HIC1: variants seen among roughly 807,000 people sequenced by gnomAD.
The protein encoded by HIC1 is HIC ZBTB transcriptional repressor 1, also known as hypermethylated in cancer 1 protein.
HIC1 carries 9 observed loss-of-function variants against 26.4 expected under a neutral mutation model. The observed-to-expected ratio is 0.34, with a 90% CI of 0.21 to 0.59. The LOEUF (loss-of-function observed/expected upper bound fraction) is 0.59, where lower values mean the gene tolerates loss of function less well. Among genes scored for constraint, HIC1 ranks in the 20% least tolerant of loss-of-function variants. HIC1 has a pLI of 0.82. For missense variants in HIC1, 965 were observed against 1,075.7 expected, an observed-to-expected ratio of 0.90 and a Z score of 1.44; for synonymous variants, 631 against 523.1, an observed-to-expected ratio of 1.21 and a Z score of -2.81.
chr17:2,061,428 A>G lies in HIC1; in HGVS notation c.*2593A>G. On this transcript the variant is annotated 3_prime_UTR_variant, in exon 2 of 2. Coordinates refer to ENST00000619757, the MANE Select transcript of HIC1 (RefSeq NM_006497.4). ...CAGGCACGTGGGCATCTTCCGTGCT[A>G]CACTGGGCGCCTGGTGGCCTTTCAG... is the stretch of plus-strand genomic sequence containing the variant. 6.7e-7 allele frequency: 1 copy of G among 1,495,804 alleles called. No individual in the cohort carries two copies. The highest frequency in any genetic ancestry group is 1.2e-5 in the South Asian group (1 of 82,388). 92.7% of individuals were successfully genotyped at this position (1,495,804 alleles called of 1,614,324 possible).
chr17:2,057,888 T>C lies in HIC1; in HGVS notation c.1198T>C (p.Tyr400His), dbSNP rs745930978. The change falls in exon 2 of 2, where the codon TAC becomes CAC. Residue 400 changes from tyrosine to histidine, a missense_variant. Transcript: ENST00000619757. ...PSPPGGHLEG[Y>H]PCPHLAYGEP... ...CCCGCCTGGCGGCCACCTCGAGGGCTACCCATGCCCGCACCTGGCCTATGG... is the reference window on the plus strand; with the variant it reads ...CCCGCCTGGCGGCCACCTCGAGGGCCACCCATGCCCGCACCTGGCCTATGG... The C allele has an allele frequency of 1.2e-6, 2 of 1,602,652 alleles. No individual in the cohort carries two copies. Among genetic ancestry groups the C allele is most frequent in the Non-Finnish European group, 1.7e-6 (2 of 1,175,302 alleles).
At position 2,057,103 on chromosome 17, in the gene HIC1, A is replaced by G; in HGVS notation, c.413A>G (p.His138Arg). Reference sequence around the variant, plus strand: ...CTCAAGCGCCACGGCAAGTACTGCCACCTGCGGGGCGGCGGCGGCGGCGGC... The same window carrying G: ...CTCAAGCGCCACGGCAAGTACTGCCGCCTGCGGGGCGGCGGCGGCGGCGGC... ...KRLKRHGKYC[H>R]LRGGGGGGGG... The change falls in exon 2 of 2, where the codon CAC becomes CGC. Residue 138 changes from histidine (H) to arginine (R), a missense_variant. Coordinates refer to ENST00000619757, the MANE Select transcript of HIC1 (RefSeq NM_006497.4). 7.4e-7 allele frequency: 1 copy of G among 1,344,902 alleles called. No homozygotes were observed. 83.3% of individuals were successfully genotyped at this position (1,344,902 alleles called of 1,614,324 possible). A position where few individuals can be genotyped will look rare whatever the true frequency, so the allele number is the denominator to read the frequency against.
Position 2,055,982 on chromosome 17 carries a change from C to CCCCT in HIC1, c.-20-681_-20-678dup, listed in dbSNP as rs1247628813. Among the ~76,000 whole-genome samples, 1 of 143,042 alleles carries CCCCT rather than the reference C, an allele frequency of 7.0e-6. No homozygotes were observed. The highest frequency in any genetic ancestry group is 2.5e-5 in the African/African-American group (1 of 39,782). 93.8% of individuals were successfully genotyped at this position (143,042 alleles called of 152,430 possible). ...GCGCCGTGCCCGCCCGGGGCGCTGC[C>CCCCT]CCCTCCCTCCCCTGGGAGCTGCGTG... On this transcript the variant is annotated intron_variant, in intron 1 of 1. Transcript: ENST00000619757. This position sits in a 1 kb window ranked among gnomAD's most constrained non-coding sequence, Gnocchi z 6.4.
Position 2,058,634 on chromosome 17 carries a change from G to GGCGGCC in HIC1, c.1952_1957dup (p.Ala651_Ala652dup), listed in dbSNP as rs2067700048. 1 of 1,564,238 alleles carries GGCGGCC rather than the reference G, an allele frequency of 6.4e-7. No homozygotes were observed. Among genetic ancestry groups the GGCGGCC allele is most frequent in the Non-Finnish European group, 8.6e-7 (1 of 1,161,898 alleles). On this transcript the variant is annotated inframe_insertion, in exon 2 of 2. Coordinates refer to ENST00000619757, the MANE Select transcript of HIC1 (RefSeq NM_006497.4). ...AGCTGAGCCTGAAGCAGCAGGACAAGGCGGCCGCGGCCGAGCTGCTGGCGC... is the reference window on the plus strand; with the variant it reads ...AGCTGAGCCTGAAGCAGCAGGACAAGGCGGCCGCGGCCGCGGCCGAGCTGCTGGCGC...
intron 1 of HIC1, 155 bp from the exon 2 acceptor site, chr17:2,056,516 C>T: frequency 7.4e-7 from 1 of 1,352,786 alleles, no homozygotes. Flanking sequence ...GGCTCCCACT[C>T]CAGAGGGCAG....
rs745545195 is a variant in HIC1 at position 2,056,966 on chromosome 17, G to GGCGGCT, written c.282_287dup (p.Ala97_Ala98dup). 211 of 1,590,164 alleles carry GGCGGCT rather than the reference G, an allele frequency of 1.3e-4. No individual in the cohort carries two copies. The highest frequency in any genetic ancestry group is 1.9e-4 in the African/African-American group (14 of 72,840). ...CCGGCCGCCTGGCTGACGGCGCAGA[G>GGCGGCT]GCGGCTGCGGCCGCGGCCGTGGCCC... On this transcript the variant is annotated inframe_insertion, in exon 2 of 2. Coordinates refer to ENST00000619757, the MANE Select transcript of HIC1 (RefSeq NM_006497.4).
Position 2,055,202 on chromosome 17 carries a change from C to G in HIC1, c.-57C>G, listed in dbSNP as rs1038397119. 1 of 152,050 alleles carries G rather than the reference C, an allele frequency of 6.6e-6. No individual in the cohort carries two copies. Among genetic ancestry groups the G allele is most frequent in the African/African-American group, 2.4e-5 (1 of 41,410 alleles). The allele number at this position is 152,050 out of a possible 1,614,324, so 9.4% of individuals were successfully genotyped here. On this transcript the variant is annotated 5_prime_UTR_variant, in exon 1 of 2. Coordinates refer to ENST00000619757, the MANE Select transcript of HIC1 (RefSeq NM_006497.4). This position sits in a 1 kb window ranked among gnomAD's most constrained non-coding sequence, Gnocchi z 6.4. ...GCAGCCACGTCCCCCCTGGATCCGC[C>G]GTCAGCCGGGCCCGGGGCTTTCGAC... is the stretch of plus-strand genomic sequence containing the variant.
chr17:2,057,648 GGTAGCT>G lies in HIC1; in HGVS notation c.959_964del (p.Gly320_Tyr322delinsAsp), dbSNP rs2067685491. 1 of 1,515,744 alleles carries G rather than the reference GGTAGCT, an allele frequency of 6.6e-7. No individual in the cohort carries two copies. The highest frequency in any genetic ancestry group is 1.4e-5 in the African/African-American group (1 of 69,614). 93.9% of individuals were successfully genotyped at this position (1,515,744 alleles called of 1,614,324 possible). A position where few individuals can be genotyped will look rare whatever the true frequency, so the allele number is the denominator to read the frequency against. ...CTGGATGAAGCACGAGCCGGGCCTG[GGTAGCT>G]ATGGCGACGAGCTGGGCCGGGAGCG... On this transcript the variant is annotated inframe_deletion, in exon 2 of 2. Transcript: ENST00000619757.
Position 2,057,569 on chromosome 17 carries a change from C to G in HIC1, c.879C>G (p.Gly293=). The G allele has an allele frequency of 6.7e-7, 1 of 1,503,636 alleles. No homozygotes were observed. The allele number at this position is 1,503,636 out of a possible 1,614,324, so 93.1% of individuals were successfully genotyped here. A position where few individuals can be genotyped will look rare whatever the true frequency, so the allele number is the denominator to read the frequency against. ...CCGACCCATTTCGCGGCGGCAGCGGCAGCCCGGGACCCGAGCCCCCCGGCC... is the reference window on the plus strand; with the variant it reads ...CCGACCCATTTCGCGGCGGCAGCGGGAGCCCGGGACCCGAGCCCCCCGGCC... ...PPSDPFRGGS[G]SPGPEPPGRP... The change falls in exon 2 of 2, where the codon GGC becomes GGG. Residue 293 remains glycine, a synonymous_variant. Transcript: ENST00000619757.
Position 2,061,452 on chromosome 17 carries a change from A to AG in HIC1, c.*2619dup, listed in dbSNP as rs1223807439. On this transcript the variant is annotated 3_prime_UTR_variant, in exon 2 of 2. Transcript: ENST00000619757. ...TACACTGGGCGCCTGGTGGCCTTTCAGGAACGGTTCCACGGGGGGGGGGCC... is the reference window on the plus strand; with the variant it reads ...TACACTGGGCGCCTGGTGGCCTTTCAGGGAACGGTTCCACGGGGGGGGGGCC... 2 of 1,503,162 alleles carry AG rather than the reference A, an allele frequency of 1.3e-6. No individual in the cohort carries two copies. The highest frequency in any genetic ancestry group is 4.1e-5 in the Admixed American group (2 of 48,472). 93.1% of individuals were successfully genotyped at this position (1,503,162 alleles called of 1,614,324 possible). A position where few individuals can be genotyped will look rare whatever the true frequency, so the allele number is the denominator to read the frequency against.
At position 2,058,641 on chromosome 17, in the gene HIC1, G is replaced by T; in HGVS notation, c.1951G>T (p.Ala651Ser). The change falls in exon 2 of 2, where the codon GCG becomes TCG. Residue 651 changes from alanine to serine, a missense_variant. Ala to Ser is a moderately conservative substitution (Grantham distance 99, BLOSUM62 1). Around this residue, in one of 6 missense-constraint regions of HIC1, gnomAD observed 210 missense variants for 179.2 expected, o/e 1.17. Coordinates refer to ENST00000619757, the MANE Select transcript of HIC1 (RefSeq NM_006497.4). ...CCTGAAGCAGCAGGACAAGGCGGCC[G>T]CGGCCGAGCTGCTGGCGCAGACCAC... Reference protein sequence around the residue: ...LSLKQQDKAAAAELLAQTTHF... With the variant: ...LSLKQQDKAASAELLAQTTHF... The T allele has an allele frequency of 6.4e-7, 1 of 1,563,528 alleles. No homozygotes were observed. Among genetic ancestry groups the T allele is most frequent in the Non-Finnish European group, 8.6e-7 (1 of 1,161,416 alleles).
At position 2,058,655 on chromosome 17, in the gene HIC1, GGCGCAGACCACGCACTTCCT is replaced by G. The variant is rs1157476572; in HGVS notation, c.1968_1987del (p.Gln657ArgfsTer109). 1 of 1,564,044 alleles carries G rather than the reference GGCGCAGACCACGCACTTCCT, an allele frequency of 6.4e-7. No individual in the cohort carries two copies. Among genetic ancestry groups the G allele is most frequent in the Non-Finnish European group, 8.6e-7 (1 of 1,161,190 alleles). On this transcript the variant is annotated frameshift_variant, in exon 2 of 2. Coordinates refer to ENST00000619757, the MANE Select transcript of HIC1 (RefSeq NM_006497.4). LOFTEE classifies it high-confidence loss of function. The stretch of plus-strand genomic sequence containing the variant: ...ACAAGGCGGCCGCGGCCGAGCTGCT[GGCGCAGACCACGCACTTCCT>G]GCACGACCCCAAGGTGGCGCTGGAG...
rs551346489 is a variant in HIC1 at position 2,060,501 on chromosome 17, A to C, written c.*1666A>C. 6.6e-6 allele frequency: 1 copy of C among 152,358 alleles called. No individual in the cohort carries two copies. Among genetic ancestry groups the C allele is most frequent in the South Asian group, 2.1e-4 (1 of 4,838 alleles). The allele number at this position is 152,358 out of a possible 1,614,324, so 9.4% of individuals were successfully genotyped here. A position where few individuals can be genotyped will look rare whatever the true frequency, so the allele number is the denominator to read the frequency against. The stretch of plus-strand genomic sequence containing the variant: ...CCTGTACTAGGTTCCTGCCATGGGT[A>C]GTAGAGAGGGAAAGTTCAGAGTGAG... On this transcript the variant is annotated 3_prime_UTR_variant, in exon 2 of 2. Transcript: ENST00000619757.
intron 1 of HIC1, chr17:2,056,394 G>A (rs1171307505): frequency 2.5e-6 from 4 of 1,588,632 alleles, no homozygotes; most frequent in Non-Finnish European, 3.5e-6. Context: ...TTTCTTCTCG[G>A]AAGCCCCAGC....
rs761326971 is a variant in HIC1 at position 2,061,454 on chromosome 17, G to A, written c.*2619G>A. On this transcript the variant is annotated 3_prime_UTR_variant, in exon 2 of 2. Coordinates refer to ENST00000619757, the MANE Select transcript of HIC1 (RefSeq NM_006497.4). ...CACTGGGCGCCTGGTGGCCTTTCAG[G>A]AACGGTTCCACGGGGGGGGGGCCCC... The A allele has an allele frequency of 4.0e-6, 6 of 1,496,796 alleles. No individual in the cohort carries two copies. The highest frequency in any genetic ancestry group is 1.7e-5 in the African/African-American group (1 of 59,140). 92.7% of individuals were successfully genotyped at this position (1,496,796 alleles called of 1,614,324 possible).
rs1186824904 is a variant in HIC1, at chr17:2,059,054, G to C, written c.*219G>C. 2 of 476,542 alleles carry C rather than the reference G, an allele frequency of 4.2e-6. No individual in the cohort carries two copies. The highest frequency in any genetic ancestry group is 7.5e-6 in the Non-Finnish European group (2 of 266,988). 29.5% of individuals were successfully genotyped at this position (476,542 alleles called of 1,614,324 possible). ...GGGACGGGGGTGGGATGGGGTAAGG[G>C]AAATTTATATTTTTGATATCAGCTT... On this transcript the variant is annotated 3_prime_UTR_variant, in exon 2 of 2. Transcript: ENST00000619757.
chr17:2,057,537 C>A lies in HIC1; in HGVS notation c.847C>A (p.Pro283Thr), dbSNP rs766746190. 6.7e-7 allele frequency: 1 copy of A among 1,496,974 alleles called. No individual in the cohort carries two copies. The highest frequency in any genetic ancestry group is 8.9e-7 in the Non-Finnish European group (1 of 1,128,754). 92.7% of individuals were successfully genotyped at this position (1,496,974 alleles called of 1,614,324 possible). A position where few individuals can be genotyped will look rare whatever the true frequency, so the allele number is the denominator to read the frequency against. The change falls in exon 2 of 2, where the codon CCG becomes ACG. Residue 283 changes from proline to threonine, a missense_variant. By Grantham distance (38) the Pro-to-Thr change is conservative. This residue lies in a region of HIC1 where 526 missense variants were observed against 525.0 expected (regional missense o/e 1.00). Coordinates refer to ENST00000619757, the MANE Select transcript of HIC1 (RefSeq NM_006497.4). ...CTTCCAGAAGCTGGAGGAGGCCGCA[C>A]CGCCTTCCGACCCATTTCGCGGCGG... is the stretch of plus-strand genomic sequence containing the variant. ...LPFQKLEEAAPPSDPFRGGSG... is the reference protein window; with the variant it reads ...LPFQKLEEAATPSDPFRGGSG...
Position 2,057,360 on chromosome 17 carries a change from G to T in HIC1, c.670G>T (p.Asp224Tyr). The change falls in exon 2 of 2, where the codon GAC becomes TAC. Residue 224 changes from aspartate (D) to tyrosine (Y), a missense_variant. Asp to Tyr is a radical substitution (Grantham distance 160). Around this residue, in one of 6 missense-constraint regions of HIC1, gnomAD observed 526 missense variants for 525.0 expected, o/e 1.00. Coordinates refer to ENST00000619757, the MANE Select transcript of HIC1 (RefSeq NM_006497.4). ...ERRCSPLCGL[D>Y]LSKKSPPGSA... ...CCGCTGCTCCCCTCTTTGTGGCCTG[G>T]ACCTGTCCAAGAAGAGCCCGCCGGG... is the stretch of plus-strand genomic sequence containing the variant. The T allele has an allele frequency of 6.7e-7, 1 of 1,485,912 alleles. No individual in the cohort carries two copies. Among genetic ancestry groups the T allele is most frequent in the South Asian group, 1.3e-5 (1 of 79,766 alleles). 92.0% of individuals were successfully genotyped at this position (1,485,912 alleles called of 1,614,324 possible). A position where few individuals can be genotyped will look rare whatever the true frequency, so the allele number is the denominator to read the frequency against.
chr17:2,056,441 G>T, intron 1 of HIC1: 1 of 1,412,976 alleles, frequency 7.1e-7, no homozygotes, highest in Admixed American at 1.7e-5. Context: ...AGGCCGCCCT[G>T]GCCTCCCCTC....
Sources: allele counts gnomAD v4.1 joint callset (sites outside exome capture counted in the v4.1 genomes callset), GRCh38; gene constraint gnomAD v4.1.1; regional missense constraint gnomAD v4.1.1; non-coding constraint Gnocchi (gnomAD v3.1); transcripts MANE v1.5; gene names NCBI Gene and HGNC (gene_info 2026-07-23, HGNC 2026-07-21).